Variants in FGD1 observed in about 807,000 individuals in gnomAD.
FGD1 encodes the protein FYVE, RhoGEF and PH domain containing 1, also known as FYVE, RhoGEF and PH domain-containing protein 1.
FGD1 carries 12 observed loss-of-function variants against 65.0 expected under a neutral mutation model. The observed-to-expected ratio is 0.18, with a 90% confidence interval of 0.12 to 0.30. The LOEUF (loss-of-function observed/expected upper bound fraction) is 0.30. FGD1 is among the 10% of genes least tolerant of loss of function. FGD1 has a pLI of 1.00. For missense variants in FGD1, 542 were observed against 837.6 expected (o/e 0.65, Z 4.36); for synonymous variants, 333 against 343.9 (o/e 0.97, Z 0.35).
At chrX:54,447,612 A>G (rs1348737462) in intron 16 of FGD1, among the ~76,000 whole-genome samples, 158 bp from the exon 17 acceptor site, 1 of 112,561 alleles carries the variant, frequency 8.9e-6, no homozygotes, top group East Asian at 2.8e-4. Context: ...CACCCAGTGA[A>G]TCAGCTAGAG....
chrX:54,457,199 G>A (rs766851310), intron 8 of FGD1, among the ~76,000 whole-genome samples: 1 of 111,163 alleles, frequency 9.0e-6, no homozygotes, highest in Non-Finnish European at 1.9e-5. Context: ...TGGTTGGTGG[G>A]GCCGTGGGTG....
chrX:54,458,113 G>A (rs1922546828), intron 8 of FGD1, among the ~76,000 whole-genome samples: 1 of 112,389 alleles, frequency 8.9e-6, no homozygotes, highest in Admixed American at 9.4e-5. Context: ...CAGGGGCCGG[G>A]CTCCAATCTC....
chrX:54,466,879 A>G (rs1203772243), intron 6 of FGD1, among the ~76,000 whole-genome samples: 2 of 108,810 alleles, frequency 1.8e-5, no homozygotes, highest in Admixed American at 2.0e-4. Context: ...CCTCCCGAGT[A>G]GCTGGGACTA....
chrX:54,466,579 C>T (rs973605468), intron 6 of FGD1, among the ~76,000 whole-genome samples: 1 of 111,515 alleles, frequency 9.0e-6, no homozygotes, highest in African/African-American at 3.3e-5. Flanking sequence ...CCTCAGGACT[C>T]AGCTTAGGCA....
chrX:54,493,729 T>C (rs1188485226), intron 1 of FGD1, among the ~76,000 whole-genome samples: 1 of 111,777 alleles, frequency 8.9e-6, no homozygotes, highest in Middle Eastern at 4.2e-3. Context: ...CAGGCCAAGG[T>C]GTTAAGGGCC....
intron 1 of FGD1, among the ~76,000 whole-genome samples, chrX:54,477,368 G>A (rs1222487808): frequency 8.9e-6 from 1 of 112,088 alleles, no homozygotes; most frequent in Non-Finnish European, 1.9e-5. Flanking sequence ...AGCCTGTGGG[G>A]ACTGGGGAAG....
At chrX:54,451,026 G>A (rs1922363870) in intron 12 of FGD1, among the ~76,000 whole-genome samples, 1 of 110,180 alleles carries the variant, frequency 9.1e-6, no homozygotes, top group Non-Finnish European at 1.9e-5. Context: ...TCCAGCCTGG[G>A]TGACAGAGTG....
At chrX:54,475,953 C>G (rs988015219) in intron 1 of FGD1, among the ~76,000 whole-genome samples, 4 of 111,704 alleles carry the variant, frequency 3.6e-5, no homozygotes, top group Admixed American at 9.6e-5. Context: ...GTAATACCAG[C>G]TACCGGGAGG....
Position 54,446,363 on chromosome X carries a change from G to T in FGD1, c.2632C>A (p.Pro878Thr). The T allele has an allele frequency of 8.3e-7, 1 of 1,211,023 alleles. No homozygotes were observed. Among genetic ancestry groups the T allele is most frequent in the East Asian group, 3.0e-5 (1 of 33,817 alleles). Residue 878 changes from proline (P) to threonine (T), a missense_variant, in exon 18 of 18, where the codon CCC becomes ACC. Around this residue, in one of 6 missense-constraint regions of FGD1, gnomAD observed 182 missense variants for 311.4 expected, o/e 0.58. Transcript: ENST00000375135. ...CTGTCAGGCCGCTCCCCTGCCTCGG[G>T]CGGTCCCACCTCGAAGCCAATGAGG... The part of the protein sequence containing the change: ...LPLIGFEVGP[P>T]EAGERPDRRH...
chrX:54,469,992 C>T (rs994093331), intron 4 of FGD1, 24 bp downstream of exon 4: 211 of 1,192,281 alleles, frequency 1.8e-4, no homozygotes, highest in Non-Finnish European at 2.3e-4. Flanking sequence ...ATGGACCTGC[C>T]TCTCGGTGAA....
intron 1 of FGD1, among the ~76,000 whole-genome samples, chrX:54,486,177 C>G (rs1198802859): frequency 8.9e-6 from 1 of 111,938 alleles, no homozygotes; most frequent in Non-Finnish European, 1.9e-5. Context: ...ACCTCTGCCT[C>G]CTGGGTTCAA....
chrX:54,470,597 A>T lies in FGD1; in HGVS notation c.645T>A (p.Ile215=). The change falls in exon 3 of 18, where the codon ATT becomes ATA. Residue 215 remains isoleucine (I), a synonymous_variant. Coordinates refer to ENST00000375135, the MANE Select transcript of FGD1 (RefSeq NM_004463.3). ...ACCAGACTCACCTTTCAAACTTCTC[A>T]ATCAGTGAGGATACTGCTGCAGAAC... The part of the protein sequence containing the change: ...SPSSAAVSSL[I]EKFEREPVIV... 12 of 1,207,420 alleles carry T rather than the reference A, an allele frequency of 9.9e-6. No individual in the cohort carries two copies. The highest frequency in any genetic ancestry group is 1.3e-5 in the Non-Finnish European group (12 of 893,636).
intron 8 of FGD1, among the ~76,000 whole-genome samples, chrX:54,461,087 A>T (rs962734730): frequency 2.4e-4 from 27 of 111,807 alleles, no homozygotes; most frequent in African/African-American, 8.4e-4. Flanking sequence ...CTGGCGGCTC[A>T]CTTTGGGTCT....
intron 1 of FGD1, 109 bp downstream of exon 1, chrX:54,495,017 G>A: frequency 1.1e-6 from 1 of 870,395 alleles, no homozygotes; most frequent in South Asian, 2.1e-5. Context: ...AAGGGCCGAG[G>A]TAAGCGAGCC....
intron 8 of FGD1, 64 bp from the exon 9 acceptor site, chrX:54,456,631 G>GTTTT: frequency 1.2e-6 from 1 of 867,865 alleles, no homozygotes; most frequent in Non-Finnish European, 1.6e-6. Context: ...CCGGGGCTTT[G>GTTTT]TTTTTTGTTT....
chrX:54,456,872 C>T (rs928678026), intron 8 of FGD1, among the ~76,000 whole-genome samples: 1 of 110,772 alleles, frequency 9.0e-6, no homozygotes, highest in African/African-American at 3.3e-5. Flanking sequence ...ACCTTGTGAA[C>T]CACCCACCTC....
At chrX:54,479,774 G>C (rs756946210) in intron 1 of FGD1, among the ~76,000 whole-genome samples, 2 of 74,177 alleles carry the variant, frequency 2.7e-5, no homozygotes, top group African/African-American at 1.2e-4. Context: ...GCATCCCTCC[G>C]CTTGACAAAA....
In FGD1 at chrX:54,456,483, G is replaced by A. The variant is rs186941975; in HGVS notation, c.1695+26C>T. 9.1e-6 allele frequency: 11 copies of A among 1,208,323 alleles called. No individual in the cohort carries two copies. In the East Asian group the frequency reaches 3.3e-4, roughly 36 times the overall value. On this transcript the variant is annotated intron_variant, in intron 9 of 17. Coordinates refer to ENST00000375135, the MANE Select transcript of FGD1 (RefSeq NM_004463.3). ...ACACCACAGGTGGGTGGCCAAGGAA[G>A]GGCAGGGGCTAGAAGGGCCACTCAC... is the stretch of plus-strand genomic sequence containing the variant.
intron 1 of FGD1, among the ~76,000 whole-genome samples, chrX:54,477,649 G>A (rs1923049358): frequency 1.8e-5 from 2 of 109,048 alleles, no homozygotes; most frequent in Non-Finnish European, 3.8e-5. Flanking sequence ...GGCTGGTCTC[G>A]ATCTCCCGAC....
Sources: gnomAD v4.1 joint callset for allele counts (sites outside exome capture counted in the v4.1 genomes callset) on GRCh38, gnomAD v4.1.1 for gene constraint, gnomAD v4.1.1 regional missense constraint, MANE v1.5 for transcripts, NCBI Gene and HGNC (gene_info 2026-07-23, HGNC 2026-07-21) for gene names.